Variants in TENM1 observed in about 807,000 individuals in gnomAD.
TENM1 encodes the protein teneurin transmembrane protein 1.
A neutral mutation model predicts 174.8 loss-of-function variants in TENM1; 35 were observed. The ratio of observed to expected loss-of-function variants is 0.20; its 90% CI spans 0.15 to 0.27. The LOEUF (loss-of-function observed/expected upper bound fraction) is 0.27, where lower values mean the gene tolerates loss of function less well. TENM1 is among the 10% of genes least tolerant of loss of function. The pLI is 1.00. For synonymous variants in TENM1, 781 were observed against 798.7 expected (o/e 0.98, Z 0.37); for missense variants, 1,633 against 2,130.1 (o/e 0.77, Z 4.59).
intron 15 of TENM1, among the ~76,000 whole-genome samples, chrX:124,530,469 T>C (rs757691194): frequency 9.0e-6 from 1 of 111,424 alleles, no homozygotes; most frequent in Non-Finnish European, 1.9e-5. Flanking sequence ...TATTGTAAGA[T>C]AAGACTAAAG....
intron 15 of TENM1, among the ~76,000 whole-genome samples, chrX:124,538,183 A>T (rs1209386386): frequency 8.9e-6 from 1 of 111,861 alleles, no homozygotes; most frequent in Non-Finnish European, 1.9e-5. Context: ...TGTTTTCTGA[A>T]TTTTAGCATT....
At chrX:124,554,835 T>C (rs2048658475) in intron 14 of TENM1, among the ~76,000 whole-genome samples, 2 of 111,793 alleles carry the variant, frequency 1.8e-5, no homozygotes, top group Non-Finnish European at 3.8e-5. Flanking sequence ...TGGTGACTTG[T>C]TATGAAGAAT....
the TENM1 span, among the ~76,000 whole-genome samples, chrX:124,969,218 C>T: frequency 4.4e-5 from 5 of 112,516 alleles, no homozygotes; most frequent in South Asian, 7.3e-4. Flanking sequence ...ACACATGCTG[C>T]TATGGAACAG....
chrX:125,034,949 G>A, the TENM1 span, among the ~76,000 whole-genome samples: 1 of 111,578 alleles, frequency 9.0e-6, no homozygotes, highest in African/African-American at 3.2e-5. Context: ...CATGTAAAGT[G>A]ATTACTCAAT....
intron 3 of TENM1, among the ~76,000 whole-genome samples, chrX:124,836,436 T>C (rs2056393465): frequency 8.9e-6 from 1 of 112,158 alleles, no homozygotes; most frequent in African/African-American, 3.2e-5. Context: ...CTATCTTTTA[T>C]CTGTATATTA....
intron 7 of TENM1, among the ~76,000 whole-genome samples, chrX:124,653,076 A>G (rs146647826): frequency 9.3e-4 from 104 of 111,627 alleles, no homozygotes; most frequent in African/African-American, 3.1e-3. Context: ...AAGAGAAATG[A>G]GATGTTTAAA....
At chrX:124,551,168 T>C (rs962051173) in intron 14 of TENM1, among the ~76,000 whole-genome samples, 7 of 112,431 alleles carry the variant, frequency 6.2e-5, no homozygotes, top group African/African-American at 2.3e-4. Flanking sequence ...CTATAAGTTG[T>C]TGTAAGTATC....
At chrX:124,981,853 GAAAAT>G in the TENM1 span, among the ~76,000 whole-genome samples, 10 of 100,825 alleles carry the variant, frequency 9.9e-5, no homozygotes, top group African/African-American at 3.7e-4. Flanking sequence ...CTCTGGGAAA[GAAAAT>G]AAAAGCAAAA....
the TENM1 span, among the ~76,000 whole-genome samples, chrX:125,078,510 G>C: frequency 9.0e-6 from 1 of 110,974 alleles, no homozygotes; most frequent in Non-Finnish European, 1.9e-5. Flanking sequence ...TGAGAAATAG[G>C]TGTTATTATA....
At chrX:124,385,379 G>A (rs908432853) in intron 29 of TENM1, among the ~76,000 whole-genome samples, 4 of 112,174 alleles carry the variant, frequency 3.6e-5, no homozygotes, top group African/African-American at 1.3e-4. Flanking sequence ...ATATCTTGCC[G>A]TTTCATCTTT....
chrX:124,871,029 G>C (rs2057099962), intron 3 of TENM1, among the ~76,000 whole-genome samples: 1 of 110,151 alleles, frequency 9.1e-6, no homozygotes, highest in Non-Finnish European at 1.9e-5. Context: ...TATTTATCTT[G>C]AAATATGCAA....
chrX:124,640,206 C>T (rs2050979284), intron 11 of TENM1, among the ~76,000 whole-genome samples: 1 of 111,352 alleles, frequency 9.0e-6, no homozygotes. Context: ...TTACCTTTAG[C>T]ATTTTGATCA....
intron 23 of TENM1, among the ~76,000 whole-genome samples, chrX:124,444,070 A>AACAC (rs1293650612): frequency 8.9e-6 from 1 of 112,250 alleles, no homozygotes; most frequent in Non-Finnish European, 1.9e-5. Flanking sequence ...TGAGAGTTCA[A>AACAC]ACACATGGGT....
chrX:124,437,418 C>G (rs1363926849), intron 23 of TENM1, among the ~76,000 whole-genome samples: 2 of 111,073 alleles, frequency 1.8e-5, no homozygotes, highest in African/African-American at 6.6e-5. Context: ...TCCAGAAATC[C>G]ACTGTGCTTG....
chrX:125,144,250 G>T, the TENM1 span, among the ~76,000 whole-genome samples: 1 of 111,480 alleles, frequency 9.0e-6, no homozygotes, highest in African/African-American at 3.3e-5. Context: ...TATAATTATA[G>T]TTGTAATCTT....
the TENM1 span, among the ~76,000 whole-genome samples, chrX:125,136,525 T>C: frequency 8.9e-6 from 1 of 111,733 alleles, no homozygotes; most frequent in African/African-American, 3.2e-5. Flanking sequence ...AGTTGGCAAG[T>C]GGCAAAGGCA....
intron 22 of TENM1, among the ~76,000 whole-genome samples, chrX:124,460,394 A>C (rs1337583099): frequency 8.9e-6 from 1 of 111,930 alleles, no homozygotes; most frequent in Non-Finnish European, 1.9e-5. Flanking sequence ...AATACTATGA[A>C]TCCATAAAAA....
chrX:125,069,776 A>G, the TENM1 span, among the ~76,000 whole-genome samples: 1 of 111,745 alleles, frequency 8.9e-6, no homozygotes, highest in Admixed American at 9.5e-5. Flanking sequence ...ATAAAAATTT[A>G]AAAAATTATA....
At chrX:124,808,103 G>T (rs2055661662) in intron 3 of TENM1, among the ~76,000 whole-genome samples, 1 of 111,564 alleles carries the variant, frequency 9.0e-6, no homozygotes. Context: ...AATCTATAAG[G>T]ACACATATAG....
Sources: gnomAD v4.1 joint callset for allele counts (sites outside exome capture counted in the v4.1 genomes callset) on GRCh38, gnomAD v4.1.1 for gene constraint, MANE v1.5 for transcripts, NCBI Gene and HGNC (gene_info 2026-07-23, HGNC 2026-07-21) for gene names.